Variants in PCDH7 observed in about 807,000 individuals in gnomAD.
The protein encoded by PCDH7 is protocadherin-7.
In PCDH7, 17 loss-of-function variants were observed where a neutral mutation model predicts 58.9. The ratio of observed to expected loss-of-function variants is 0.29; its 90% CI spans 0.20 to 0.43. The LOEUF (loss-of-function observed/expected upper bound fraction) is 0.43. Ranked by LOEUF, PCDH7 falls within the 20% of genes least tolerant of loss-of-function variation. PCDH7 has a pLI of 1.00. For synonymous variants in PCDH7, 664 were observed against 616.4 expected, an observed-to-expected ratio of 1.08 and a Z score of -1.14; for missense variants, 1,274 against 1,441.0, an observed-to-expected ratio of 0.88 and a Z score of 1.88.
chr4:31,100,459 A>G (rs1273034271), intron 3 of PCDH7, among the ~76,000 whole-genome samples: 1 of 152,220 alleles, frequency 6.6e-6, no homozygotes, highest in Non-Finnish European at 1.5e-5. Context: ...CATCGTTTCT[A>G]AAGTTTAAGG....
chr4:30,987,097 G>A (rs1477231336), intron 3 of PCDH7, among the ~76,000 whole-genome samples: 1 of 151,978 alleles, frequency 6.6e-6, no homozygotes, highest in East Asian at 1.9e-4. Flanking sequence ...TAGAGAAATT[G>A]GTCCTTTTTC....
chr4:30,748,021 A>G (rs1717994859), intron 1 of PCDH7, among the ~76,000 whole-genome samples: 2 of 152,192 alleles, frequency 1.3e-5, no homozygotes, highest in South Asian at 4.1e-4. Flanking sequence ...AGAGATAGCA[A>G]AAGTTTAAGC....
At chr4:30,805,681 A>C (rs973809785) in intron 1 of PCDH7, among the ~76,000 whole-genome samples, 28 of 152,188 alleles carry the variant, frequency 1.8e-4, no homozygotes, top group African/African-American at 6.0e-4. Context: ...AAAAATCCAG[A>C]GATCATTTTT....
intron 3 of PCDH7, among the ~76,000 whole-genome samples, chr4:31,107,941 A>G (rs1252762541): frequency 6.6e-6 from 1 of 152,150 alleles, no homozygotes; most frequent in Non-Finnish European, 1.5e-5. Context: ...AAATTCACTT[A>G]AGGGGCAGCC....
chr4:30,989,703 G>A (rs1489991053), intron 3 of PCDH7, among the ~76,000 whole-genome samples: 1 of 152,128 alleles, frequency 6.6e-6, no homozygotes, highest in African/African-American at 2.4e-5. Flanking sequence ...TCATAACCAA[G>A]CTAAGGAAGT....
At chr4:31,022,354 A>T (rs1357872577) in intron 3 of PCDH7, among the ~76,000 whole-genome samples, 3 of 152,232 alleles carry the variant, frequency 2.0e-5, no homozygotes, top group African/African-American at 7.2e-5. Context: ...GACTTTAAAA[A>T]TTCACACTAT....
chr4:31,072,591 G>T (rs955533709), intron 3 of PCDH7, among the ~76,000 whole-genome samples: 8 of 152,090 alleles, frequency 5.3e-5, no homozygotes, highest in African/African-American at 1.9e-4. Flanking sequence ...AGAGTTGCTG[G>T]TGGAAGGGGG....
chr4:30,745,279 G>T (rs1717630019), intron 1 of PCDH7, among the ~76,000 whole-genome samples: 1 of 151,378 alleles, frequency 6.6e-6, no homozygotes, highest in African/African-American at 2.4e-5. Context: ...GTTGTAGAGG[G>T]TGTTCTAGCC....
At chr4:30,836,142 A>C (rs1730456360) in intron 1 of PCDH7, among the ~76,000 whole-genome samples, 1 of 152,206 alleles carries the variant, frequency 6.6e-6, no homozygotes, top group Non-Finnish European at 1.5e-5. Flanking sequence ...AGGGCAAAAC[A>C]TGAAGATGTT....
chr4:31,083,066 C>G (rs1304589446), intron 3 of PCDH7, among the ~76,000 whole-genome samples: 1 of 152,058 alleles, frequency 6.6e-6, no homozygotes, highest in Non-Finnish European at 1.5e-5. Context: ...GGAGATTGCG[C>G]CACTGCACTC....
At chr4:30,946,647 A>T (rs1236460403) in intron 2 of PCDH7, among the ~76,000 whole-genome samples, 1 of 147,092 alleles carries the variant, frequency 6.8e-6, no homozygotes, top group East Asian at 2.0e-4. Context: ...TGTATCTTTG[A>T]TTTTAATCCC....
chr4:30,725,002 A>C, intron 1 of PCDH7: 1 of 1,015,512 alleles, frequency 9.8e-7, no homozygotes, highest in Non-Finnish European at 1.2e-6. Flanking sequence ...AAGTTTCTAA[A>C]GTTACTACTG....
intron 1 of PCDH7, among the ~76,000 whole-genome samples, chr4:30,753,977 A>G (rs1051270131): frequency 6.6e-6 from 1 of 152,238 alleles, no homozygotes; most frequent in Non-Finnish European, 1.5e-5. Context: ...TACTGATCAT[A>G]GAAACTACCA....
chr4:30,887,871 G>T (rs200956449), intron 1 of PCDH7, among the ~76,000 whole-genome samples: 72 of 146,274 alleles, frequency 4.9e-4, no homozygotes, highest in African/African-American at 1.5e-3. Context: ...TTTCTTTTTG[G>T]TTTTTTTTTT....
chr4:31,010,019 A>C (rs1753053892), intron 3 of PCDH7, among the ~76,000 whole-genome samples: 1 of 152,054 alleles, frequency 6.6e-6, no homozygotes, highest in East Asian at 1.9e-4. Context: ...TCCCTACTGA[A>C]TCATAAGATT....
intron 1 of PCDH7, among the ~76,000 whole-genome samples, chr4:30,859,737 G>C (rs1207946507): frequency 6.6e-6 from 1 of 152,082 alleles, no homozygotes; most frequent in Non-Finnish European, 1.5e-5. Context: ...ACCATGCCGG[G>C]CCAGCTCTGA....
chr4:31,058,594 A>T (rs1578681497), intron 3 of PCDH7, among the ~76,000 whole-genome samples: 1 of 152,118 alleles, frequency 6.6e-6, no homozygotes, highest in East Asian at 1.9e-4. Flanking sequence ...GAGCTTCCTG[A>T]GGACAATAAA....
At chr4:30,952,772 G>A (rs1030147278) in intron 3 of PCDH7, among the ~76,000 whole-genome samples, 3 of 152,044 alleles carry the variant, frequency 2.0e-5, no homozygotes, top group Non-Finnish European at 2.9e-5. Context: ...TGTGACAACA[G>A]TTTTTTTGAG....
At chr4:30,929,480 T>A (rs1744293130) in intron 2 of PCDH7, among the ~76,000 whole-genome samples, 2 of 152,178 alleles carry the variant, frequency 1.3e-5, no homozygotes, top group South Asian at 4.1e-4. Flanking sequence ...AAGTTCGTTA[T>A]AAGAATGAGA....
Sources: gnomAD v4.1 joint callset for allele counts (sites outside exome capture counted in the v4.1 genomes callset) on GRCh38, gnomAD v4.1.1 for gene constraint, MANE v1.5 for transcripts, NCBI Gene and HGNC (gene_info 2026-07-23, HGNC 2026-07-21) for gene names.